FAT3: variants seen among roughly 807,000 people sequenced by gnomAD.
The protein encoded by FAT3 is protocadherin Fat 3.
In FAT3, 95 loss-of-function variants were observed where a neutral mutation model predicts 310.2. That is an observed-to-expected ratio of 0.31 (90% CI 0.26 to 0.36). FAT3 has a LOEUF of 0.36. Among genes scored for constraint, FAT3 ranks in the 10% least tolerant of loss-of-function variants. The pLI, the probability that FAT3 is intolerant of heterozygous loss-of-function variation, is 1.00. For synonymous variants in FAT3, 2,314 were observed against 2,192.9 expected (o/e 1.06, Z -1.54); for missense variants, 5,408 against 5,715.6 (o/e 0.95, Z 1.74).
In FAT3 at chr11:92,799,912, C is replaced by T; in HGVS notation, c.6899C>T (p.Ser2300Phe). Residue 2300 changes from serine to phenylalanine, a missense_variant, in exon 10 of 28, where the codon TCT (serine) becomes TTT (phenylalanine). Ser to Phe is a radical substitution (Grantham distance 155). Around this residue, in one of 5 missense-constraint regions of FAT3, gnomAD observed 4,588 missense variants for 4,809.8 expected, o/e 0.95. Coordinates refer to ENST00000525166, the MANE Select transcript of FAT3 (RefSeq NM_001367949.2). ...PTYNTTLSEA[S>F]LIGTPVLQVV... ...TACAATACAACACTATCAGAAGCAT[C>T]TCTTATTGGGACACCTGTTTTACAA... 1 of 1,612,840 alleles carries T rather than the reference C, an allele frequency of 6.2e-7. No individual in the cohort carries two copies. The highest frequency in any genetic ancestry group is 1.1e-5 in the South Asian group (1 of 90,856).
At chr11:92,345,995 ATACT>A (rs1948408339) in intron 1 of FAT3, among the ~76,000 whole-genome samples, 1 of 152,168 alleles carries the variant, frequency 6.6e-6, no homozygotes, top group Admixed American at 6.5e-5. Flanking sequence ...TGTGATTCAA[ATACT>A]TAGTATATTA....
At chr11:92,517,641 A>G (rs1953531695) in intron 2 of FAT3, among the ~76,000 whole-genome samples, 1 of 152,242 alleles carries the variant, frequency 6.6e-6, no homozygotes, top group Non-Finnish European at 1.5e-5. Flanking sequence ...ATTAAACTAA[A>G]GAGCTTCTGC....
intron 2 of FAT3, among the ~76,000 whole-genome samples, chr11:92,412,746 A>ATACACACACATATATATATATAT (rs1591252852): frequency 5.5e-5 from 1 of 18,080 alleles, no homozygotes; most frequent in African/African-American, 2.0e-4. Context: ...TATATATATA[A>ATACACACACATATATATATATAT]ATATACATAC....
intron 2 of FAT3, among the ~76,000 whole-genome samples, chr11:92,443,780 G>A (rs930162602): frequency 6.6e-6 from 1 of 152,100 alleles, no homozygotes. Context: ...AGCATGAGGA[G>A]ATGGTTACGA....
rs150453320 is a variant in FAT3 at position 92,844,387 on chromosome 11, C to T, written c.11020C>T (p.Arg3674Trp). The T allele has an allele frequency of 5.6e-4, 903 of 1,613,900 alleles. 11 individuals are homozygous for T. In the East Asian group the frequency reaches 0.015, roughly 28 times the overall value. Residue 3674 changes from arginine (R) to tryptophan (W), a missense_variant, in exon 19 of 28, where the codon CGG becomes TGG. By Grantham distance (101) the Arg-to-Trp change is moderately radical (BLOSUM62 -3). Around this residue, in one of 5 missense-constraint regions of FAT3, gnomAD observed 4,588 missense variants for 4,809.8 expected, o/e 0.95. Coordinates refer to ENST00000525166, the MANE Select transcript of FAT3 (RefSeq NM_001367949.2). ...CATGCATGGGTTCCGGCGCACCCTG[C>T]GGAATGCAGTCCTCACCCAGAAGCA... The part of the protein sequence containing the change: ...LHMHGFRRTL[R>W]NAVLTQKQDS...
intron 3 of FAT3, among the ~76,000 whole-genome samples, chr11:92,584,294 T>A (rs1443190161): frequency 6.6e-6 from 1 of 152,044 alleles, no homozygotes; most frequent in African/African-American, 2.4e-5. Flanking sequence ...TTGGTGACTG[T>A]AATGGTGCTT....
intron 2 of FAT3, among the ~76,000 whole-genome samples, chr11:92,414,272 A>G (rs1950359206): frequency 1.3e-5 from 2 of 152,176 alleles, no homozygotes; most frequent in African/African-American, 4.8e-5. Flanking sequence ...CCAATTCATG[A>G]TTGAGGAACT....
chr11:92,889,087 T>C, intron 25 of FAT3, 102 bp from the exon 26 acceptor site: 2 of 574,142 alleles, frequency 3.5e-6, no homozygotes, highest in Non-Finnish European at 6.3e-6. Flanking sequence ...CGCACCTTCA[T>C]TGTTGCTGTT....
chr11:92,328,419 G>C (rs1015925751), intron 1 of FAT3, among the ~76,000 whole-genome samples: 1 of 152,190 alleles, frequency 6.6e-6, no homozygotes, highest in Non-Finnish European at 1.5e-5. Flanking sequence ...CTATATAAAA[G>C]GCTTCATATT....
At chr11:92,331,868 G>T (rs989411881) in intron 1 of FAT3, among the ~76,000 whole-genome samples, 2 of 152,180 alleles carry the variant, frequency 1.3e-5, no homozygotes, top group African/African-American at 4.8e-5. Flanking sequence ...CATATATAAA[G>T]TACTAAAGCT....
intron 21 of FAT3, among the ~76,000 whole-genome samples, chr11:92,859,569 C>T (rs1340840011): frequency 1.3e-5 from 2 of 152,172 alleles, no homozygotes; most frequent in Non-Finnish European, 2.9e-5. Flanking sequence ...CAAGGGCTGG[C>T]TTCCTTTGAG....
Position 92,883,628 on chromosome 11 carries a change from G to A in FAT3, c.12937+235G>A, listed in dbSNP as rs1949728639. The stretch of plus-strand genomic sequence containing the variant: ...AACATCATGAGCCCAAGGTGAGGCA[G>A]CTAGTAAGAGGCAGTCAGTACCCCA... On this transcript the variant is annotated intron_variant, in intron 24 of 27. Coordinates refer to ENST00000525166, the MANE Select transcript of FAT3 (RefSeq NM_001367949.2). This position sits in a 1 kb window ranked among gnomAD's most constrained non-coding sequence, Gnocchi z 4.2. Among the ~76,000 whole-genome samples, 1 of 152,220 alleles carries A rather than the reference G, an allele frequency of 6.6e-6. No homozygotes were observed.
chr11:92,705,820 ATGG>A (rs1208963779), intron 4 of FAT3, among the ~76,000 whole-genome samples: 1 of 6,930 alleles, frequency 1.4e-4, no homozygotes, highest in Non-Finnish European at 3.0e-4. Flanking sequence ...TGGTGGTGTG[ATGG>A]TGGTGGTGAT....
At chr11:92,581,217 A>T (rs1479472742) in intron 3 of FAT3, among the ~76,000 whole-genome samples, 1 of 152,036 alleles carries the variant, frequency 6.6e-6, no homozygotes, top group East Asian at 1.9e-4. Flanking sequence ...AGGGAGAGGA[A>T]TTATGGCCCC....
intron 1 of FAT3, among the ~76,000 whole-genome samples, chr11:92,280,533 A>G (rs67673710): frequency 0.031 from 4,676 of 152,290 alleles, 102 homozygotes; most frequent in Non-Finnish European, 0.044. Flanking sequence ...TCGTTGCAGT[A>G]GCCCTCAAAA....
intron 3 of FAT3, among the ~76,000 whole-genome samples, chr11:92,553,883 G>A (rs1269707071): frequency 6.6e-6 from 1 of 151,568 alleles, no homozygotes; most frequent in Non-Finnish European, 1.5e-5. Context: ...TCGGCTCACT[G>A]CAAGCTCTGC....
At chr11:92,275,391 A>G (rs1946242210) in intron 1 of FAT3, among the ~76,000 whole-genome samples, 1 of 151,902 alleles carries the variant, frequency 6.6e-6, no homozygotes, top group Admixed American at 6.6e-5. Context: ...AATGGCTTCA[A>G]CCTTATTCAA....
chr11:92,416,413 A>C (rs1447617447), intron 2 of FAT3, among the ~76,000 whole-genome samples: 1 of 151,962 alleles, frequency 6.6e-6, no homozygotes, highest in African/African-American at 2.4e-5. Context: ...AAAGAAAAAA[A>C]ACCTTCCACG....
chr11:92,432,196 C>T (rs1339835746), intron 2 of FAT3, among the ~76,000 whole-genome samples: 2 of 152,148 alleles, frequency 1.3e-5, no homozygotes, highest in East Asian at 3.9e-4. Flanking sequence ...TGTAGTTCTC[C>T]TTGAAGAGGT....
Sources: gnomAD v4.1 joint callset for allele counts (sites outside exome capture counted in the v4.1 genomes callset) on GRCh38, gnomAD v4.1.1 for gene constraint, gnomAD v4.1.1 regional missense constraint, Gnocchi (gnomAD v3.1) non-coding constraint, MANE v1.5 for transcripts, NCBI Gene and HGNC (gene_info 2026-07-23, HGNC 2026-07-21) for gene names.